Variants in PARD3B observed in about 807,000 individuals in gnomAD.
The protein encoded by PARD3B is par-3 family cell polarity regulator beta, also known as partitioning defective 3 homolog B.
PARD3B carries 103 observed loss-of-function variants against 130.2 expected under a neutral mutation model. The observed-to-expected ratio is 0.79, with a 90% CI of 0.67 to 0.93. The LOEUF (loss-of-function observed/expected upper bound fraction) is 0.93. Ranked by LOEUF, PARD3B falls within the 40% of genes least tolerant of loss-of-function variation. PARD3B has a pLI of 0.00. For synonymous variants in PARD3B, 583 were observed against 553.2 expected (o/e 1.05, Z -0.76); for missense variants, 1,609 against 1,499.2 (o/e 1.07, Z -1.21).
At chr2:205,306,356 CATA>C (rs143812926) in intron 18 of PARD3B, among the ~76,000 whole-genome samples, 1,610 of 152,196 alleles carry the variant, frequency 0.011, 24 homozygotes, top group African/African-American at 0.037. Context: ...TTTATGATAT[CATA>C]GTAATGTATA....
rs16836731 is a variant in PARD3B at position 204,905,220 on chromosome 2, A to G, written c.223-59932A>G. On this transcript the variant is annotated intron_variant, in intron 2 of 22. Transcript: ENST00000406610. Reference sequence around the variant, plus strand: ...CAACTAAGTGAAAGAAAAGGTAAATATCAGAAAGAGGCATCTTGGAGCAGT... The same window carrying G: ...CAACTAAGTGAAAGAAAAGGTAAATGTCAGAAAGAGGCATCTTGGAGCAGT... Among the ~76,000 whole-genome samples the G allele has an allele frequency of 9.7e-3, 1,476 of 152,298 alleles. 29 individuals carry two copies. The highest frequency in any genetic ancestry group is 0.034 in the African/African-American group (1,401 of 41,546).
intron 2 of PARD3B, among the ~76,000 whole-genome samples, chr2:204,817,663 C>T (rs115435977): frequency 0.013 from 1,992 of 152,182 alleles, 18 homozygotes; most frequent in African/African-American, 0.025. Context: ...TTGTGCAGCC[C>T]TCTCATCCTT....
At chr2:204,795,110 C>T (rs56263726) in intron 2 of PARD3B, among the ~76,000 whole-genome samples, 6,930 of 152,120 alleles carry the variant, frequency 0.046, 244 homozygotes, top group African/African-American at 0.096. Flanking sequence ...TTTTGTCTTG[C>T]TGGTTAGGAA....
chr2:205,125,543 C>A lies in PARD3B; in HGVS notation c.1306-66C>A. ...CCCATTTGCTTCTTGTTTTCAAAAA[C>A]TATCTAGTGTAGAAGGAGATAACAA... On this transcript the variant is annotated intron_variant, in intron 9 of 22. Coordinates refer to ENST00000406610, the MANE Select transcript of PARD3B (RefSeq NM_001302769.2). This position sits in a 1 kb window ranked among gnomAD's most constrained non-coding sequence, Gnocchi z 4.0. The A allele has an allele frequency of 6.5e-7, 1 of 1,532,826 alleles. No homozygotes were observed. The highest frequency in any genetic ancestry group is 2.1e-5 in the Admixed American group (1 of 48,750). The allele number at this position is 1,532,826 out of a possible 1,614,324, so 95.0% of individuals were successfully genotyped here.
chr2:205,471,656 C>A (rs1438879329), intron 20 of PARD3B, among the ~76,000 whole-genome samples: 3 of 152,102 alleles, frequency 2.0e-5, no homozygotes, highest in African/African-American at 7.2e-5. Flanking sequence ...AGCCACCACG[C>A]CCGGCCCTCA....
chr2:205,398,134 A>G (rs184629745), intron 18 of PARD3B, among the ~76,000 whole-genome samples: 2,165 of 152,256 alleles, frequency 0.014, 20 homozygotes, highest in Middle Eastern at 0.024. Context: ...CCCTGTCTCT[A>G]CTAAAAATAC....
intron 13 of PARD3B, among the ~76,000 whole-genome samples, chr2:205,185,031 A>G (rs911854262): frequency 1.3e-5 from 2 of 152,214 alleles, no homozygotes; most frequent in Non-Finnish European, 2.9e-5. Context: ...ATAATATACA[A>G]GGCTTAATAT....
chr2:205,251,246 C>T (rs892245669), intron 16 of PARD3B, among the ~76,000 whole-genome samples: 5 of 152,104 alleles, frequency 3.3e-5, no homozygotes, highest in Admixed American at 3.3e-4. Context: ...CCTTTGTTTC[C>T]TTACATGTAT....
At chr2:204,600,670 A>C (rs2033473819) in intron 1 of PARD3B, among the ~76,000 whole-genome samples, 1 of 151,754 alleles carries the variant, frequency 6.6e-6, no homozygotes, top group East Asian at 1.9e-4. Flanking sequence ...AGAGAGGAAA[A>C]ATGTTTTTAA....
intron 22 of PARD3B, among the ~76,000 whole-genome samples, chr2:205,603,312 A>T (rs1256239904): frequency 6.6e-6 from 1 of 152,240 alleles, no homozygotes; most frequent in Non-Finnish European, 1.5e-5. Flanking sequence ...GTCACCAAAA[A>T]GAATGTATAT....
intron 2 of PARD3B, among the ~76,000 whole-genome samples, chr2:204,691,678 A>G (rs2125254665): frequency 6.6e-6 from 1 of 152,218 alleles, no homozygotes. Flanking sequence ...ATGCTGTTAT[A>G]TTAATGATAC....
intron 10 of PARD3B, among the ~76,000 whole-genome samples, chr2:205,126,523 T>C (rs916110559): frequency 5.3e-5 from 8 of 150,278 alleles, no homozygotes; most frequent in Non-Finnish European, 1.0e-4. Flanking sequence ...GGGTGGATCA[T>C]GAGGTCAGGA....
chr2:204,847,211 C>T (rs73982556), intron 2 of PARD3B, among the ~76,000 whole-genome samples: 2,319 of 142,130 alleles, frequency 0.016, 65 homozygotes, highest in African/African-American at 0.058. Context: ...GTTTTAACTA[C>T]GTTGATAGGA....
chr2:204,788,612 T>A (rs1267917698), intron 2 of PARD3B, among the ~76,000 whole-genome samples: 1 of 152,202 alleles, frequency 6.6e-6, no homozygotes, highest in African/African-American at 2.4e-5. Flanking sequence ...ATGTGTGAAC[T>A]CACAGCAAGG....
At chr2:205,518,349 T>A (rs1408801982) in intron 21 of PARD3B, among the ~76,000 whole-genome samples, 41 of 152,130 alleles carry the variant, frequency 2.7e-4, no homozygotes, top group Non-Finnish European at 7.4e-5. Context: ...TTATCTTATC[T>A]TTTTGATCTT....
chr2:205,452,025 T>C (rs1403166323), intron 20 of PARD3B, among the ~76,000 whole-genome samples: 1 of 152,146 alleles, frequency 6.6e-6, no homozygotes, highest in East Asian at 1.9e-4. Context: ...CTAATTTTCA[T>C]GACCACTGAA....
rs148105114 is a variant in PARD3B at position 205,255,305 on chromosome 2, A to G, written c.2185+9483A>G. Among the ~76,000 whole-genome samples the G allele has an allele frequency of 7.9e-5, 12 of 152,248 alleles. No homozygotes were observed. The East Asian group carries it at 2.1e-3, about 27-fold the overall frequency. On this transcript the variant is annotated intron_variant, in intron 16 of 22. Transcript: ENST00000406610. The stretch of plus-strand genomic sequence containing the variant: ...CAGAGCCAGTCAGTTCCTGTAAGAG[A>G]TAGGGAGAAAAACAGTTTTTTTCTA...
intron 4 of PARD3B, among the ~76,000 whole-genome samples, chr2:205,054,386 G>A (rs1468338751): frequency 1.9e-5 from 2 of 103,046 alleles, no homozygotes; most frequent in Admixed American, 1.2e-4. Context: ...AATTAACAAG[G>A]TAACCATGAC....
chr2:204,696,169 CTTAGG>C (rs2037599754), intron 2 of PARD3B, among the ~76,000 whole-genome samples: 1 of 151,878 alleles, frequency 6.6e-6, no homozygotes, highest in Non-Finnish European at 1.5e-5. Flanking sequence ...GTATCTCTAT[CTTAGG>C]TTAGGAAAAA....
Sources: allele counts gnomAD v4.1 joint callset (sites outside exome capture counted in the v4.1 genomes callset), GRCh38; gene constraint gnomAD v4.1.1; non-coding constraint Gnocchi (gnomAD v3.1); transcripts MANE v1.5; gene names NCBI Gene and HGNC (gene_info 2026-07-23, HGNC 2026-07-21).